The following KLF12 variants were observed in gnomAD, a reference collection of about 807,000 sequenced individuals.
The protein encoded by KLF12 is KLF transcription factor 12, also known as Krueppel-like factor 12.
Under a neutral mutation model 37.8 loss-of-function variants are expected in KLF12, and 9 were observed. That is an observed-to-expected ratio of 0.24 (90% CI 0.14 to 0.42). The LOEUF (loss-of-function observed/expected upper bound fraction) is 0.42. Among genes scored for constraint, KLF12 ranks in the 10% least tolerant of loss-of-function variants. KLF12 has a pLI of 1.00. For synonymous variants in KLF12, 208 were observed against 202.1 expected (o/e 1.03, Z -0.25); for missense variants, 411 against 516.0 (o/e 0.80, Z 1.97).
chr13:74,255,079 G>A, the KLF12 span, among the ~76,000 whole-genome samples: 1 of 152,184 alleles, frequency 6.6e-6, no homozygotes, highest in African/African-American at 2.4e-5. Flanking sequence ...CCTGTCTAAT[G>A]TCTAGGATTT....
the KLF12 span, among the ~76,000 whole-genome samples, chr13:74,207,197 A>C: frequency 6.6e-6 from 1 of 152,224 alleles, no homozygotes; most frequent in East Asian, 1.9e-4. Context: ...GCATTAGTCC[A>C]TTCATGAGGA....
chr13:73,753,061 A>G (rs1354391500), intron 6 of KLF12, among the ~76,000 whole-genome samples: 1 of 150,986 alleles, frequency 6.6e-6, no homozygotes, highest in Non-Finnish European at 1.5e-5. Flanking sequence ...CTCCTTCCAC[A>G]CTCTTACAGC....
chr13:74,026,865 G>C (rs897347795), intron 1 of KLF12, among the ~76,000 whole-genome samples: 6 of 152,196 alleles, frequency 3.9e-5, no homozygotes, highest in Admixed American at 6.5e-5. Flanking sequence ...AAGTCGATCA[G>C]CTAGTCCCAC....
the KLF12 span, among the ~76,000 whole-genome samples, chr13:74,300,854 T>C: frequency 9.9e-5 from 15 of 152,138 alleles, no homozygotes; most frequent in Non-Finnish European, 1.9e-4. Context: ...TGGGATGAGA[T>C]TGAGAAAACA....
the KLF12 span, among the ~76,000 whole-genome samples, chr13:74,181,467 GAGGTC>G: frequency 1.3e-5 from 2 of 151,168 alleles, no homozygotes; most frequent in Non-Finnish European, 3.0e-5. Flanking sequence ...CGGATCACTT[GAGGTC>G]AGGAGGAGAC....
intron 3 of KLF12, among the ~76,000 whole-genome samples, chr13:73,876,483 G>A (rs763968778): frequency 1.3e-5 from 2 of 152,106 alleles, no homozygotes; most frequent in Non-Finnish European, 2.9e-5. Flanking sequence ...CCTAATCACA[G>A]AAGTAAAATC....
chr13:73,826,240 TG>T (rs1179747869), intron 4 of KLF12, among the ~76,000 whole-genome samples: 22 of 152,278 alleles, frequency 1.4e-4, no homozygotes, highest in African/African-American at 5.1e-4. Flanking sequence ...CCCAAAGTGC[TG>T]GGATTACAGT....
At chr13:73,828,858 T>C (rs1484727783) in intron 4 of KLF12, among the ~76,000 whole-genome samples, 1 of 151,922 alleles carries the variant, frequency 6.6e-6, no homozygotes, top group Non-Finnish European at 1.5e-5. Flanking sequence ...GTCGAATCTA[T>C]CTACCAGGAT....
chr13:74,006,386 A>G (rs1892408452), intron 1 of KLF12, among the ~76,000 whole-genome samples: 1 of 152,138 alleles, frequency 6.6e-6, no homozygotes, highest in Admixed American at 6.5e-5. Context: ...TTGATCTCCT[A>G]AAAGTTAAAC....
intron 2 of KLF12, among the ~76,000 whole-genome samples, chr13:73,987,649 A>G (rs1891858075): frequency 7.4e-6 from 1 of 135,282 alleles, no homozygotes; most frequent in Non-Finnish European, 1.6e-5. Context: ...AAGTGGGGGG[A>G]GAGGAAGTGA....
chr13:74,204,740 A>C, the KLF12 span, among the ~76,000 whole-genome samples: 13 of 151,984 alleles, frequency 8.6e-5, no homozygotes, highest in African/African-American at 3.1e-4. Flanking sequence ...TGATTCAGAG[A>C]CCTCAGTTTC....
intron 2 of KLF12, among the ~76,000 whole-genome samples, chr13:73,989,745 G>A (rs556295131): frequency 6.6e-6 from 1 of 152,282 alleles, no homozygotes; most frequent in South Asian, 2.1e-4. Flanking sequence ...TACTCAGGGA[G>A]AGTCCATGAG....
At chr13:73,790,549 C>T (rs1464467414) in intron 5 of KLF12, among the ~76,000 whole-genome samples, 3 of 152,132 alleles carry the variant, frequency 2.0e-5, no homozygotes, top group African/African-American at 7.2e-5. Flanking sequence ...CAATACTTTC[C>T]AGGGTGATAT....
At chr13:74,241,805 G>A in the KLF12 span, among the ~76,000 whole-genome samples, 122 of 152,234 alleles carry the variant, frequency 8.0e-4, no homozygotes, top group African/African-American at 2.8e-3. Flanking sequence ...GCTTCGGCTC[G>A]CGCACGGTGC....
chr13:73,927,912 C>T (rs1481974618), intron 3 of KLF12, among the ~76,000 whole-genome samples: 1 of 144,122 alleles, frequency 6.9e-6, no homozygotes, highest in Non-Finnish European at 1.5e-5. Context: ...GGCTGGAGTG[C>T]AGTGGCATGA....
intron 3 of KLF12, among the ~76,000 whole-genome samples, chr13:73,850,700 G>A (rs562022262): frequency 3.8e-4 from 58 of 152,270 alleles, no homozygotes; most frequent in South Asian, 2.3e-3. Context: ...GTTTAGAGAT[G>A]GGGCTGACAT....
chr13:73,705,377 G>A (rs754481475), intron 7 of KLF12, among the ~76,000 whole-genome samples: 5 of 152,130 alleles, frequency 3.3e-5, no homozygotes, highest in East Asian at 1.9e-4. Context: ...AGGTTCAAGC[G>A]ATGCTCTTGC....
At chr13:74,064,426 A>G (rs1053370870) in intron 1 of KLF12, among the ~76,000 whole-genome samples, 1 of 152,148 alleles carries the variant, frequency 6.6e-6, no homozygotes, top group Non-Finnish European at 1.5e-5. Context: ...ATAAAGTCAC[A>G]TAACTTTAGC....
intron 7 of KLF12, among the ~76,000 whole-genome samples, chr13:73,708,325 T>C (rs1053642457): frequency 3.9e-5 from 6 of 152,310 alleles, no homozygotes; most frequent in South Asian, 4.1e-4. Flanking sequence ...AGTATGTCAA[T>C]TGGGGATAGA....
Sources: gnomAD v4.1 joint callset for allele counts (sites outside exome capture counted in the v4.1 genomes callset) on GRCh38, gnomAD v4.1.1 for gene constraint, MANE v1.5 for transcripts, NCBI Gene and HGNC (gene_info 2026-07-23, HGNC 2026-07-21) for gene names.